Variants in EIF2AK3 observed in about 807,000 individuals in gnomAD.
EIF2AK3 encodes eukaryotic translation initiation factor 2-alpha kinase 3.
In EIF2AK3, 50 loss-of-function variants were observed where a neutral mutation model predicts 113.5. That is an observed-to-expected ratio of 0.44 (90% CI 0.35 to 0.56). The LOEUF (loss-of-function observed/expected upper bound fraction) is 0.56, where lower values mean the gene tolerates loss of function less well. EIF2AK3 is among the 20% of genes least tolerant of loss of function. The probability of loss-of-function intolerance (pLI) is 0.00; values close to 1 mark genes in which losing one functional copy is unlikely to be tolerated. For synonymous variants in EIF2AK3, 448 were observed against 495.4 expected (o/e 0.90, Z 1.27); for missense variants, 1,185 against 1,378.0 (o/e 0.86, Z 2.22).
chr2:88,574,767 T>C lies in EIF2AK3; in HGVS notation c.2716A>G (p.Ile906Val), dbSNP rs1674408995. 2 of 1,614,224 alleles carry C rather than the reference T, an allele frequency of 1.2e-6. No homozygotes were observed. Among genetic ancestry groups the C allele is most frequent in the South Asian group, 1.1e-5 (1 of 91,084 alleles). The change falls in exon 13 of 17, where the codon ATA becomes GTA. Residue 906 changes from isoleucine (I) to valine (V), a missense_variant. Around this residue, in one of 3 missense-constraint regions of EIF2AK3, gnomAD observed 877 missense variants for 1,024.2 expected, o/e 0.86. Coordinates refer to ENST00000303236, the MANE Select transcript of EIF2AK3 (RefSeq NM_004836.7). ...CACACGCTCCTCTCTCTCTCCTCTA[T>C]GGTACATCGTCCATTCATCCAGTCT... is the stretch of plus-strand genomic sequence containing the variant. The part of the protein sequence containing the change: ...LKDWMNGRCT[I>V]EERERSVCLH...
intron 14 of EIF2AK3, among the ~76,000 whole-genome samples, chr2:88,565,070 C>G (rs1476986328): frequency 1.4e-5 from 2 of 146,162 alleles, no homozygotes; most frequent in African/African-American, 5.1e-5. Flanking sequence ...GAGTTTCACT[C>G]TTGTTGCCCA....
At chr2:88,559,771 T>A (rs1245364679) in intron 15 of EIF2AK3, among the ~76,000 whole-genome samples, 1 of 152,212 alleles carries the variant, frequency 6.6e-6, no homozygotes, top group Non-Finnish European at 1.5e-5. Flanking sequence ...TCATCTACGT[T>A]GCGGCACATG....
intron 9 of EIF2AK3, 34 bp from the exon 10 acceptor site, chr2:88,583,576 C>CA (rs780738607): frequency 3.7e-5 from 55 of 1,468,438 alleles, no homozygotes; most frequent in Middle Eastern, 1.7e-4. Context: ...ACTACCAGTA[C>CA]AAAGCTGAAC....
chr2:88,560,224 C>G (rs1470193942), intron 15 of EIF2AK3, among the ~76,000 whole-genome samples: 1 of 152,250 alleles, frequency 6.6e-6, no homozygotes, highest in Admixed American at 6.5e-5. Context: ...TGTTGAGCAT[C>G]TTTTCACATG....
rs1675885238 is a variant in EIF2AK3, at chr2:88,627,095, CGGT to C, written c.177_179del (p.Pro60del). On this transcript the variant is annotated inframe_deletion, in exon 1 of 17. Transcript: ENST00000303236. Reference sequence around the variant, plus strand: ...CGGCCGCAGCCACGGCGCCCGCCGCCGGTACTCGCGTCGCTGAGGTGGGAGCAG... The same window carrying C: ...CGGCCGCAGCCACGGCGCCCGCCGCCACTCGCGTCGCTGAGGTGGGAGCAG... 6.5e-7 allele frequency: 1 copy of C among 1,547,596 alleles called. No homozygotes were observed. The highest frequency in any genetic ancestry group is 1.2e-5 in the South Asian group (1 of 85,446).
chr2:88,590,353 T>C, intron 6 of EIF2AK3, 90 bp downstream of exon 6: 1 of 1,348,968 alleles, frequency 7.4e-7, no homozygotes, highest in Non-Finnish European at 1.1e-6. Flanking sequence ...TTAAAACTAC[T>C]ACAGGCACTC....
intron 2 of EIF2AK3, among the ~76,000 whole-genome samples, chr2:88,606,949 T>C (rs1675293621): frequency 6.6e-6 from 1 of 152,170 alleles, no homozygotes; most frequent in Non-Finnish European, 1.5e-5. Context: ...TTGTTTGTTC[T>C]TCTTAAGAGG....
At chr2:88,613,994 C>CCA (rs1675515544) in intron 1 of EIF2AK3, 141 bp from the exon 2 acceptor site, 2 of 725,454 alleles carry the variant, frequency 2.8e-6, no homozygotes, top group Non-Finnish European at 4.6e-6. Flanking sequence ...ACTCTTGCCA[C>CCA]CACTGTCTTT....
intron 14 of EIF2AK3, among the ~76,000 whole-genome samples, chr2:88,569,947 A>G (rs1367196655): frequency 6.6e-6 from 1 of 152,226 alleles, no homozygotes; most frequent in Non-Finnish European, 1.5e-5. Context: ...AAAAGCAGAT[A>G]GAAGAATGTA....
Position 88,626,961 on chromosome 2 carries a change from C to G in EIF2AK3, c.308+6G>C. The G allele has an allele frequency of 6.2e-7, 1 of 1,607,512 alleles. No homozygotes were observed. Among genetic ancestry groups the G allele is most frequent in the Non-Finnish European group, 8.5e-7 (1 of 1,178,260 alleles). On this transcript the variant is annotated splice_donor_region_variant and intron_variant, in intron 1 of 16. Transcript: ENST00000303236. The stretch of plus-strand genomic sequence containing the variant: ...AGTTGCCTCCCCCGGGTCGGCAGCC[C>G]CTCACCTGCCGCGCGGTCGCAACTC...
chr2:88,593,962 G>C, intron 3 of EIF2AK3: 1 of 991,000 alleles, frequency 1.0e-6, no homozygotes, highest in Non-Finnish European at 1.2e-6. Context: ...GGAAAACCAG[G>C]TGATCGGGTT....
intron 2 of EIF2AK3, among the ~76,000 whole-genome samples, chr2:88,613,471 G>C (rs1368704731): frequency 6.6e-6 from 1 of 152,144 alleles, no homozygotes; most frequent in Non-Finnish European, 1.5e-5. Context: ...ATGGCAGATA[G>C]TATCCTCAGC....
chr2:88,576,474 AT>A (rs1398242579), intron 12 of EIF2AK3, 79 bp downstream of exon 12: 4 of 1,569,860 alleles, frequency 2.5e-6, no homozygotes, highest in African/African-American at 2.7e-5. Flanking sequence ...AAAAAAAAAA[AT>A]CCCTAAAGTT....
chr2:88,563,897 C>G (rs986303425), intron 14 of EIF2AK3, among the ~76,000 whole-genome samples: 10 of 152,084 alleles, frequency 6.6e-5, no homozygotes, highest in Admixed American at 3.3e-4. Context: ...TAATGTCTTA[C>G]AGATATTTTT....
At chr2:88,594,248 A>C (rs1674956983) in intron 3 of EIF2AK3, among the ~76,000 whole-genome samples, 1 of 152,220 alleles carries the variant, frequency 6.6e-6, no homozygotes, top group Admixed American at 6.5e-5. Flanking sequence ...TACACGTCAC[A>C]ATGGTGTGAT....
rs541426359 is a variant in EIF2AK3 at position 88,607,601 on chromosome 2, A to G, written c.438+6123T>C. Among the ~76,000 whole-genome samples the G allele has an allele frequency of 8.5e-5, 13 of 152,300 alleles. No homozygotes were observed. The East Asian group carries it at 2.3e-3, about 27-fold the overall frequency. On this transcript the variant is annotated intron_variant, in intron 2 of 16. Coordinates refer to ENST00000303236, the MANE Select transcript of EIF2AK3 (RefSeq NM_004836.7). The stretch of plus-strand genomic sequence containing the variant: ...ATTTAAAACATCTGTTCTTAGTGGA[A>G]CTGTCAATTTCCCTTATCTTCCAGG...
chr2:88,626,619 T>A (rs1205389897), intron 1 of EIF2AK3, among the ~76,000 whole-genome samples: 3 of 152,184 alleles, frequency 2.0e-5, no homozygotes, highest in African/African-American at 7.2e-5. Flanking sequence ...GTGATGTGCG[T>A]AAGGAAAAAG....
chr2:88,582,140 A>AGTGTT (rs1386178794), intron 10 of EIF2AK3, among the ~76,000 whole-genome samples: 9 of 152,164 alleles, frequency 5.9e-5, no homozygotes, highest in Non-Finnish European at 1.2e-4. Flanking sequence ...GGAGAGGAAC[A>AGTGTT]CTTCCACCAG....
chr2:88,579,520 A>C lies in EIF2AK3; in HGVS notation c.1884T>G (p.Asn628Lys), dbSNP rs747258023. ...NYAIKRIRLP[N>K]RELAREKVMR... ...TTACTGAAGGTACCACCCATTACCT[A>C]TTGGGGAGACGGATCCTCTTGATAG... The change falls in exon 11 of 17, where the codon AAT becomes AAG. Residue 628 changes from asparagine to lysine, a missense_variant and splice_region_variant. By Grantham distance (94) the Asn-to-Lys change is moderately conservative. Transcript: ENST00000303236. The C allele has an allele frequency of 3.7e-6, 6 of 1,613,216 alleles. No individual in the cohort carries two copies. In the South Asian group the frequency reaches 6.6e-5, roughly 18 times the overall value.
Sources: gnomAD v4.1 joint callset for allele counts (sites outside exome capture counted in the v4.1 genomes callset) on GRCh38, gnomAD v4.1.1 for gene constraint, gnomAD v4.1.1 regional missense constraint, MANE v1.5 for transcripts, NCBI Gene and HGNC (gene_info 2026-07-23, HGNC 2026-07-21) for gene names.